Variants in EFNA5 observed in about 807,000 individuals in gnomAD.
EFNA5 encodes the protein ephrin-A5.
EFNA5 carries 5 observed loss-of-function variants against 22.9 expected under a neutral mutation model. The observed-to-expected ratio is 0.22, with a 90% CI of 0.11 to 0.46. EFNA5 has a LOEUF of 0.46. EFNA5 is among the 20% of genes least tolerant of loss of function. EFNA5 has a pLI of 0.99. For synonymous variants in EFNA5, 113 were observed against 112.2 expected, an observed-to-expected ratio of 1.01 and a Z score of -0.04; for missense variants, 237 against 293.3, an observed-to-expected ratio of 0.81 and a Z score of 1.40.
At chr5:107,456,586 A>G (rs1202974557) in intron 1 of EFNA5, among the ~76,000 whole-genome samples, 1 of 152,106 alleles carries the variant, frequency 6.6e-6, no homozygotes, top group East Asian at 1.9e-4. Flanking sequence ...TTTAAGAGAG[A>G]TGTTTTGAAA....
At chr5:107,618,311 A>C (rs1204105311) in intron 1 of EFNA5, among the ~76,000 whole-genome samples, 1 of 152,204 alleles carries the variant, frequency 6.6e-6, no homozygotes, top group Admixed American at 6.5e-5. Context: ...GTGAGCATGA[A>C]ATTCTAAACA....
chr5:107,496,238 G>A (rs181221683), intron 1 of EFNA5, among the ~76,000 whole-genome samples: 5 of 147,304 alleles, frequency 3.4e-5, no homozygotes, highest in South Asian at 4.3e-4. Flanking sequence ...CCAGCTACTC[G>A]GAAAACAGAA....
At chr5:107,584,623 C>T (rs916271682) in intron 1 of EFNA5, among the ~76,000 whole-genome samples, 1 of 152,188 alleles carries the variant, frequency 6.6e-6, no homozygotes, top group African/African-American at 2.4e-5. Flanking sequence ...TTAATGGGCA[C>T]AATTAATGTC....
intron 1 of EFNA5, among the ~76,000 whole-genome samples, chr5:107,617,209 T>TACAC (rs373146585): frequency 0.069 from 9,738 of 140,886 alleles, 425 homozygotes; most frequent in Middle Eastern, 0.15. Context: ...CATGTGCACA[T>TACAC]ACACACACAC....
chr5:107,521,281 T>G (rs1204172662), intron 1 of EFNA5, among the ~76,000 whole-genome samples: 1 of 150,904 alleles, frequency 6.6e-6, no homozygotes, highest in Non-Finnish European at 1.5e-5. Context: ...ATGTATGTAT[T>G]TACTTATTTA....
intron 1 of EFNA5, among the ~76,000 whole-genome samples, chr5:107,435,787 G>C (rs1190224655): frequency 6.6e-6 from 1 of 152,170 alleles, no homozygotes; most frequent in Non-Finnish European, 1.5e-5. Context: ...AAAATGTTTG[G>C]AACCTGGAGT....
chr5:107,491,535 T>C (rs1380649500), intron 1 of EFNA5, among the ~76,000 whole-genome samples: 7 of 152,182 alleles, frequency 4.6e-5, no homozygotes, highest in African/African-American at 1.7e-4. Context: ...GGTCCGGAAC[T>C]CCTAACCTCA....
At chr5:107,388,514 A>G (rs1747698496) in intron 2 of EFNA5, 1 of 152,060 alleles carries the variant, frequency 6.6e-6, no homozygotes, top group Non-Finnish European at 1.5e-5. Flanking sequence ...GTTTCAAGTT[A>G]TAAATCACTT....
intron 1 of EFNA5, among the ~76,000 whole-genome samples, chr5:107,580,660 T>C (rs1749025246): frequency 6.8e-6 from 1 of 146,360 alleles, no homozygotes; most frequent in African/African-American, 2.6e-5. Flanking sequence ...GAGGCGGAGC[T>C]TGCAGTGAGC....
intron 2 of EFNA5, among the ~76,000 whole-genome samples, chr5:107,398,880 T>C (rs1748003572): frequency 6.8e-6 from 1 of 147,908 alleles, no homozygotes; most frequent in South Asian, 2.2e-4. Flanking sequence ...AAAAAAATCT[T>C]CTAGCTGCAA....
intron 2 of EFNA5, among the ~76,000 whole-genome samples, chr5:107,415,350 T>G (rs554753235): frequency 6.6e-6 from 1 of 152,224 alleles, no homozygotes; most frequent in South Asian, 2.1e-4. Flanking sequence ...GCCTGTTACA[T>G]ATATTCAAAA....
At chr5:107,670,052 A>C (rs536751544) in intron 1 of EFNA5, among the ~76,000 whole-genome samples, 1,580 of 124,132 alleles carry the variant, frequency 0.013, 34 homozygotes, top group African/African-American at 0.044. Flanking sequence ...AAAAAAAAAA[A>C]AAACTTTGGG....
At position 107,387,738 on chromosome 5, in the gene EFNA5, C is replaced by T; in HGVS notation, c.452G>A (p.Cys151Tyr). 2 of 1,613,396 alleles carry T rather than the reference C, an allele frequency of 1.2e-6. No homozygotes were observed. Among genetic ancestry groups the T allele is most frequent in the Non-Finnish European group, 1.7e-6 (2 of 1,179,600 alleles). Residue 151 changes from cysteine (C) to tyrosine (Y), a missense_variant, in exon 3 of 5, where the codon TGT becomes TAT. Cys to Tyr is a radical substitution (Grantham distance 194, BLOSUM62 -2). This residue lies in a region of EFNA5 where 104 missense variants were observed against 114.5 expected (regional missense o/e 0.91). Transcript: ENST00000333274. The stretch of plus-strand genomic sequence containing the variant: ...TCTCACAAAGACTTTGAGCTTTAGA[C>T]AGGACCTTCTTCCATTATCTGGGAT... ...SAIPDNGRRS[C>Y]LKLKVFVRPT... is the part of the protein sequence containing the mutation.
At chr5:107,499,904 C>T (rs892401570) in intron 1 of EFNA5, among the ~76,000 whole-genome samples, 1 of 152,078 alleles carries the variant, frequency 6.6e-6, no homozygotes, top group Non-Finnish European at 1.5e-5. Flanking sequence ...CTAGCAACAC[C>T]AACTGGAATA....
chr5:107,663,712 A>G (rs1751012692), intron 1 of EFNA5, among the ~76,000 whole-genome samples: 1 of 152,120 alleles, frequency 6.6e-6, no homozygotes, highest in Admixed American at 6.5e-5. Flanking sequence ...CTTGAGCTAC[A>G]CTTTGCTGAC....
chr5:107,601,102 T>G (rs1307588627), intron 1 of EFNA5, among the ~76,000 whole-genome samples: 3 of 152,226 alleles, frequency 2.0e-5, no homozygotes, highest in African/African-American at 7.2e-5. Context: ...ATGAGATACA[T>G]GCTGAATCTA....
chr5:107,459,178 G>A (rs1452365742), intron 1 of EFNA5, among the ~76,000 whole-genome samples: 2 of 152,196 alleles, frequency 1.3e-5, no homozygotes, highest in African/African-American at 4.8e-5. Context: ...TGGATCACCT[G>A]AGGTCTGAAG....
intron 2 of EFNA5, among the ~76,000 whole-genome samples, chr5:107,400,415 TGCTGCCTC>T (rs1748054316): frequency 6.6e-6 from 1 of 152,206 alleles, no homozygotes; most frequent in Admixed American, 6.5e-5. Flanking sequence ...CTGGATTACA[TGCTGCCTC>T]CTCAGAGAAG....
intron 1 of EFNA5, among the ~76,000 whole-genome samples, chr5:107,592,452 C>T (rs577051436): frequency 2.0e-5 from 3 of 152,030 alleles, no homozygotes; most frequent in South Asian, 4.2e-4. Context: ...GCAACATGGA[C>T]ATGCTTTAAA....
Sources: gnomAD v4.1 joint callset for allele counts (sites outside exome capture counted in the v4.1 genomes callset) on GRCh38, gnomAD v4.1.1 for gene constraint, gnomAD v4.1.1 regional missense constraint, MANE v1.5 for transcripts, NCBI Gene and HGNC (gene_info 2026-07-23, HGNC 2026-07-21) for gene names.